Variants in BRD10 observed in about 807,000 individuals in gnomAD.
The protein encoded by BRD10 is bromodomain containing 10.
chr9:5,966,272 C>T, the BRD10 span, among the ~76,000 whole-genome samples: 8 of 152,096 alleles, frequency 5.3e-5, no homozygotes, highest in East Asian at 1.9e-4. Context: ...TCCCAATTTT[C>T]TCTCTGATCT....
the BRD10 span, among the ~76,000 whole-genome samples, chr9:5,905,069 G>A: frequency 3.9e-5 from 6 of 152,214 alleles, no homozygotes; most frequent in South Asian, 6.2e-4. Flanking sequence ...CACCGTGCCC[G>A]GCCTTATACT....
At chr9:5,972,911 T>C in the BRD10 span, among the ~76,000 whole-genome samples, 1 of 152,162 alleles carries the variant, frequency 6.6e-6, no homozygotes, top group Middle Eastern at 3.2e-3. Context: ...AAATTTCCAT[T>C]CAGAGTAAAA....
the BRD10 span, among the ~76,000 whole-genome samples, chr9:5,987,731 G>C: frequency 6.6e-6 from 1 of 152,134 alleles, no homozygotes; most frequent in East Asian, 1.9e-4. Flanking sequence ...ATTTGATTTA[G>C]TACTATAAAA....
At chr9:5,992,246 T>C in the BRD10 span, among the ~76,000 whole-genome samples, 1 of 152,234 alleles carries the variant, frequency 6.6e-6, no homozygotes, top group East Asian at 1.9e-4. Context: ...ACTGTCATCA[T>C]GCCCTCAAAC....
At chr9:5,924,558 C>G in the BRD10 span, 1 of 621,958 alleles carries the variant, frequency 1.6e-6, no homozygotes, top group Non-Finnish European at 2.6e-6. Context: ...TTTCCCTAAT[C>G]AATATATTTC....
chr9:5,920,484 T>G, the BRD10 span: 2 of 1,613,444 alleles, frequency 1.2e-6, no homozygotes, highest in African/African-American at 2.7e-5. Context: ...TAACTGGGGG[T>G]TTTTACTAAA....
the BRD10 span, chr9:5,897,937 T>C: frequency 3.2e-6 from 1 of 313,620 alleles, no homozygotes; most frequent in African/African-American, 2.1e-5. Context: ...GGTTTACAGT[T>C]GGGAGGCTGG....
At chr9:5,923,028 A>G in the BRD10 span, 27 of 1,613,888 alleles carry the variant, frequency 1.7e-5, no homozygotes, top group Non-Finnish European at 2.2e-5. Context: ...GAATCCAATG[A>G]GGCAAATGAC....
the BRD10 span, chr9:6,008,077 A>C: frequency 2.0e-6 from 2 of 976,646 alleles, no homozygotes; most frequent in African/African-American, 3.7e-5. Context: ...CGCCGGCCTC[A>C]CCCCTCCGCA....
chr9:5,972,542 C>A, the BRD10 span, among the ~76,000 whole-genome samples: 2 of 152,100 alleles, frequency 1.3e-5, no homozygotes, highest in African/African-American at 2.4e-5. Flanking sequence ...CCCATTCTCA[C>A]TGCAGTGAGT....
At chr9:5,923,559 G>T in the BRD10 span, among the ~76,000 whole-genome samples, 93 of 152,124 alleles carry the variant, frequency 6.1e-4, 3 homozygotes, top group South Asian at 0.019. Context: ...CAAAATTTTT[G>T]GTCAAGAATT....
At chr9:5,980,652 TCA>T in the BRD10 span, among the ~76,000 whole-genome samples, 96 of 150,718 alleles carry the variant, frequency 6.4e-4, no homozygotes, top group Non-Finnish European at 1.5e-4. Flanking sequence ...AAAAAAAACT[TCA>T]CACACACACA....
the BRD10 span, among the ~76,000 whole-genome samples, chr9:5,930,372 TATATATATATA>T: frequency 2.0e-4 from 5 of 25,428 alleles, no homozygotes; most frequent in Non-Finnish European, 5.4e-4. Context: ...AAGGAGATTA[TATATATATATA>T]TATATATATA....
At chr9:5,956,976 A>G in the BRD10 span, among the ~76,000 whole-genome samples, 2 of 152,112 alleles carry the variant, frequency 1.3e-5, no homozygotes, top group African/African-American at 2.4e-5. Flanking sequence ...GGGTAGGAAA[A>G]GGGATGCAGG....
chr9:5,940,364 T>C, the BRD10 span, among the ~76,000 whole-genome samples: 1 of 152,020 alleles, frequency 6.6e-6, no homozygotes, highest in East Asian at 1.9e-4. Flanking sequence ...CTGGCTAATT[T>C]TTGTATTTTT....
chr9:5,999,343 T>C, the BRD10 span, among the ~76,000 whole-genome samples: 31 of 152,108 alleles, frequency 2.0e-4, no homozygotes, highest in African/African-American at 5.6e-4. Context: ...ATTTCTGCTA[T>C]ATATAAAACT....
chr9:5,986,619 C>T, the BRD10 span, among the ~76,000 whole-genome samples: 65 of 152,272 alleles, frequency 4.3e-4, no homozygotes, highest in Middle Eastern at 3.4e-3. Context: ...ACAGCACAGG[C>T]TTTAATTTTA....
the BRD10 span, among the ~76,000 whole-genome samples, chr9:5,911,659 CGAG>C: frequency 4.6e-5 from 7 of 151,898 alleles, no homozygotes; most frequent in African/African-American, 1.7e-4. Flanking sequence ...CTCAGCCTCC[CGAG>C]TAACTGGGAT....
the BRD10 span, among the ~76,000 whole-genome samples, chr9:5,977,777 G>C: frequency 6.6e-6 from 1 of 152,204 alleles, no homozygotes; most frequent in Admixed American, 6.5e-5. Flanking sequence ...AGAGCTTGCA[G>C]TGAACCAAGA....
Sources: allele counts gnomAD v4.1 joint callset (sites outside exome capture counted in the v4.1 genomes callset), GRCh38; gene constraint gnomAD v4.1.1; transcripts MANE v1.5; gene names NCBI Gene and HGNC (gene_info 2026-07-23, HGNC 2026-07-21).